SP4: variants seen among roughly 807,000 people sequenced by gnomAD.
SP4 encodes transcription factor Sp4.
SP4 carries 19 observed loss-of-function variants against 72.8 expected under a neutral mutation model. The observed-to-expected ratio is 0.26, with a 90% CI of 0.18 to 0.38. The LOEUF (loss-of-function observed/expected upper bound fraction) is 0.38, where lower values mean the gene tolerates loss of function less well. Among genes scored for constraint, SP4 ranks in the 10% least tolerant of loss-of-function variants. The pLI is 1.00. For synonymous variants in SP4, 395 were observed against 333.1 expected, an observed-to-expected ratio of 1.19 and a Z score of -2.02; for missense variants, 1,008 against 926.3, an observed-to-expected ratio of 1.09 and a Z score of -1.14.
At chr7:21,480,660 T>A (rs534942664) in intron 4 of SP4, among the ~76,000 whole-genome samples, 1 of 152,342 alleles carries the variant, frequency 6.6e-6, no homozygotes, top group African/African-American at 2.4e-5. Context: ...TGTTTACTTT[T>A]CCCAAGAATC....
intron 3 of SP4, among the ~76,000 whole-genome samples, chr7:21,437,157 TCTTAA>T (rs1178942791): frequency 6.6e-6 from 1 of 152,168 alleles, no homozygotes; most frequent in Non-Finnish European, 1.5e-5. Flanking sequence ...TTTAAAACAT[TCTTAA>T]CTTCAGACAA....
At chr7:21,428,354 C>G (rs1782695251) in intron 1 of SP4, 96 bp downstream of exon 1, 1 of 725,392 alleles carries the variant, frequency 1.4e-6, no homozygotes, top group Admixed American at 2.0e-5. Flanking sequence ...CCCGGGGCCG[C>G]TGAGATGCTT....
At chr7:21,448,668 G>T (rs1335873416) in intron 3 of SP4, among the ~76,000 whole-genome samples, 4 of 152,200 alleles carry the variant, frequency 2.6e-5, no homozygotes, top group African/African-American at 9.6e-5. Flanking sequence ...GGAGTAATAT[G>T]TGTGACAATG....
chr7:21,479,054 C>T (rs542709832), intron 4 of SP4, among the ~76,000 whole-genome samples: 1 of 146,278 alleles, frequency 6.8e-6, no homozygotes, highest in African/African-American at 2.5e-5. Flanking sequence ...GGTGAAAGAG[C>T]GAAACTCCAT....
intron 3 of SP4, among the ~76,000 whole-genome samples, chr7:21,432,613 A>G (rs1286860214): frequency 1.3e-5 from 2 of 152,218 alleles, no homozygotes; most frequent in East Asian, 3.8e-4. Flanking sequence ...TAAAATAAAC[A>G]CAGGATCCAG....
intron 3 of SP4, among the ~76,000 whole-genome samples, chr7:21,468,355 A>G (rs1213402161): frequency 6.6e-6 from 1 of 152,120 alleles, no homozygotes; most frequent in Non-Finnish European, 1.5e-5. Context: ...TTTTGGAAGA[A>G]TTGACACATT....
At chr7:21,481,572 C>T (rs1447818741) in intron 4 of SP4, among the ~76,000 whole-genome samples, 1 of 152,160 alleles carries the variant, frequency 6.6e-6, no homozygotes, top group Non-Finnish European at 1.5e-5. Flanking sequence ...CTGCATCTTA[C>T]ACTTTTAACT....
In SP4 at chr7:21,429,386, T is replaced by C; in HGVS notation, c.221T>C (p.Ile74Thr). ...NQATGQQQIIIDPSQGLVQLQ... is the reference protein window; with the variant it reads ...NQATGQQQIITDPSQGLVQLQ... ...GCAACTGGACAACAACAAATTATTATAGATCCAAGTCAAGGATTGGTGCAA... is the reference window on the plus strand; with the variant it reads ...GCAACTGGACAACAACAAATTATTACAGATCCAAGTCAAGGATTGGTGCAA... Residue 74 changes from isoleucine to threonine, a missense_variant, in exon 3 of 6, where the codon ATA (isoleucine) becomes ACA (threonine). Ile to Thr is a moderately conservative substitution (Grantham distance 89). Coordinates refer to ENST00000222584, the MANE Select transcript of SP4 (RefSeq NM_003112.5). The C allele has an allele frequency of 6.2e-7, 1 of 1,613,952 alleles. No individual in the cohort carries two copies. The highest frequency in any genetic ancestry group is 8.5e-7 in the Non-Finnish European group (1 of 1,179,896).
At chr7:21,473,344 G>C (rs1784404421) in intron 3 of SP4, among the ~76,000 whole-genome samples, 4 of 152,206 alleles carry the variant, frequency 2.6e-5, no homozygotes, top group Admixed American at 2.6e-4. Flanking sequence ...AGCATTTACT[G>C]AAACAGGGAC....
At chr7:21,508,071 C>G (rs1024057157) in intron 5 of SP4, among the ~76,000 whole-genome samples, 17 of 152,038 alleles carry the variant, frequency 1.1e-4, no homozygotes, top group African/African-American at 3.9e-4. Context: ...CCCTGTGTCG[C>G]CTCTGCTGCC....
intron 3 of SP4, among the ~76,000 whole-genome samples, chr7:21,476,142 C>T (rs984352762): frequency 1.3e-5 from 2 of 152,004 alleles, no homozygotes; most frequent in African/African-American, 2.4e-5. Context: ...GGCATGGTGG[C>T]ACACGCCTGT....
At chr7:21,505,412 A>G (rs778346922) in intron 5 of SP4, among the ~76,000 whole-genome samples, 15 of 152,158 alleles carry the variant, frequency 9.9e-5, no homozygotes, top group Non-Finnish European at 1.8e-4. Context: ...AAGATTATCT[A>G]TGTATTGTAA....
At chr7:21,504,911 A>T (rs1351192736) in intron 5 of SP4, among the ~76,000 whole-genome samples, 1 of 152,186 alleles carries the variant, frequency 6.6e-6, no homozygotes, top group Non-Finnish European at 1.5e-5. Context: ...GGCAAAAGCA[A>T]CAGATTCCCT....
At chr7:21,442,731 G>GT (rs1407010515) in intron 3 of SP4, among the ~76,000 whole-genome samples, 1 of 152,130 alleles carries the variant, frequency 6.6e-6, no homozygotes, top group African/African-American at 2.4e-5. Flanking sequence ...AATTCAAGTA[G>GT]TTTTTTGTTT....
chr7:21,430,668 A>C lies in SP4; in HGVS notation c.1503A>C (p.Ser501=). The change falls in exon 3 of 6, where the codon TCA becomes TCC. Residue 501 remains serine, a synonymous_variant. Transcript: ENST00000222584. ...SQQLTITPVS[S]SGGTTLAQIA... is the part of the protein sequence containing the mutation. ...AATTAACCATCACCCCAGTGTCTTC[A>C]AGTGGTGGCACAACTCTTGCTCAGA... 1.2e-6 allele frequency: 2 copies of C among 1,614,236 alleles called. No homozygotes were observed. The highest frequency in any genetic ancestry group is 1.3e-5 in the African/African-American group (1 of 75,068).
chr7:21,502,511 G>A (rs1219766527), intron 5 of SP4, among the ~76,000 whole-genome samples: 2 of 151,998 alleles, frequency 1.3e-5, no homozygotes, highest in African/African-American at 4.8e-5. Context: ...GAGCCAACAT[G>A]CAACACATTA....
At chr7:21,508,001 C>T (rs1782046528) in intron 5 of SP4, among the ~76,000 whole-genome samples, 1 of 152,076 alleles carries the variant, frequency 6.6e-6, no homozygotes, top group Non-Finnish European at 1.5e-5. Flanking sequence ...ACTTACAGTC[C>T]AATTTTCCTC....
In SP4 at chr7:21,513,690, A is replaced by G. The variant is rs879390229; in HGVS notation, c.*2421A>G. ...TATGAACACTCTGCATCATTATTCC[A>G]TGAACCAGTTCTAATGCAAACCTAT... On this transcript the variant is annotated 3_prime_UTR_variant, in exon 6 of 6. Coordinates refer to ENST00000222584, the MANE Select transcript of SP4 (RefSeq NM_003112.5). 1 of 152,222 alleles carries G rather than the reference A, an allele frequency of 6.6e-6. No individual in the cohort carries two copies. Among genetic ancestry groups the G allele is most frequent in the East Asian group, 1.9e-4 (1 of 5,198 alleles). The allele number at this position is 152,222 out of a possible 1,614,324, so 9.4% of individuals were successfully genotyped here.
chr7:21,474,480 C>G (rs755520113), intron 3 of SP4, among the ~76,000 whole-genome samples: 41 of 152,150 alleles, frequency 2.7e-4, no homozygotes, highest in Non-Finnish European at 1.2e-4. Context: ...TATCACTGTG[C>G]TTCTTGGTAC....
Sources: allele counts gnomAD v4.1 joint callset (sites outside exome capture counted in the v4.1 genomes callset), GRCh38; gene constraint gnomAD v4.1.1; transcripts MANE v1.5; gene names NCBI Gene and HGNC (gene_info 2026-07-23, HGNC 2026-07-21).